Variants in ADGRV1 observed in about 807,000 individuals in gnomAD.
ADGRV1 encodes the protein G-protein coupled receptor 98.
ADGRV1 carries 359 observed loss-of-function variants against 596.2 expected under a neutral mutation model. The ratio of observed to expected loss-of-function variants is 0.60; its 90% CI spans 0.55 to 0.66. The LOEUF is 0.66. ADGRV1 is among the 30% of genes least tolerant of loss of function. The probability of loss-of-function intolerance (pLI) is 0.00; values close to 1 mark genes in which losing one functional copy is unlikely to be tolerated. For missense variants in ADGRV1, 7,274 were observed against 7,575.6 expected (o/e 0.96, Z 1.48); for synonymous variants, 2,681 against 2,679.2 (o/e 1.00, Z -0.02).
intron 9 of ADGRV1, chr5:90,630,398 A>G (rs1765353752): frequency 6.6e-6 from 1 of 152,242 alleles, no homozygotes; most frequent in Non-Finnish European, 1.5e-5. Flanking sequence ...TAAAGTCCCC[A>G]TGACGTATCC....
At chr5:90,692,567 C>T in intron 31 of ADGRV1, 38 bp from the exon 32 acceptor site, 1 of 1,486,150 alleles carries the variant, frequency 6.7e-7, no homozygotes, top group Non-Finnish European at 9.2e-7. Context: ...AATTTCAGAA[C>T]TGTGATGCTG....
intron 83 of ADGRV1, among the ~76,000 whole-genome samples, chr5:90,952,302 G>T (rs1396203059): frequency 2.0e-5 from 3 of 152,142 alleles, no homozygotes; most frequent in Admixed American, 1.3e-4. Context: ...CAAAACAACT[G>T]ATTGTCTATG....
At chr5:90,559,244 C>T (rs1342965192) in intron 1 of ADGRV1, among the ~76,000 whole-genome samples, 1 of 152,090 alleles carries the variant, frequency 6.6e-6, no homozygotes, top group South Asian at 2.1e-4. Context: ...CTTTTTCTGC[C>T]TGTTTGAAAC....
intron 84 of ADGRV1, among the ~76,000 whole-genome samples, chr5:90,982,747 G>A (rs899422653): frequency 1.6e-4 from 2 of 12,356 alleles, no homozygotes; most frequent in East Asian, 3.3e-3. Context: ...TGGCTCAGCC[G>A]GGCCAGGCTT....
intron 83 of ADGRV1, among the ~76,000 whole-genome samples, chr5:90,893,408 G>A (rs559629645): frequency 1.2e-4 from 18 of 152,150 alleles, no homozygotes; most frequent in South Asian, 2.1e-4. Flanking sequence ...TTTACTGGTC[G>A]CACACAACTA....
chr5:90,945,683 A>G (rs1370450971), intron 83 of ADGRV1, among the ~76,000 whole-genome samples: 2 of 152,218 alleles, frequency 1.3e-5, no homozygotes, highest in Admixed American at 6.5e-5. Flanking sequence ...TGAAGTTATC[A>G]TAAAGAAATA....
chr5:91,064,147 T>G (rs1787685224), intron 85 of ADGRV1, among the ~76,000 whole-genome samples: 1 of 152,134 alleles, frequency 6.6e-6, no homozygotes, highest in African/African-American at 2.4e-5. Flanking sequence ...AAGAACCAGT[T>G]AAATCAATAA....
intron 86 of ADGRV1, among the ~76,000 whole-genome samples, chr5:91,099,806 CA>C (rs1157636585): frequency 6.6e-6 from 1 of 152,080 alleles, no homozygotes; most frequent in Non-Finnish European, 1.5e-5. Context: ...GAATTAGAAG[CA>C]TTGAAATGAA....
chr5:91,126,831 A>G (rs1249349309), intron 87 of ADGRV1, among the ~76,000 whole-genome samples: 1 of 152,098 alleles, frequency 6.6e-6, no homozygotes, highest in Non-Finnish European at 1.5e-5. Context: ...TGGATTTAGG[A>G]AGGGCAGAAG....
intron 83 of ADGRV1, among the ~76,000 whole-genome samples, chr5:90,904,099 T>C (rs1772096914): frequency 6.6e-6 from 1 of 152,144 alleles, no homozygotes; most frequent in African/African-American, 2.4e-5. Context: ...GATCTCATTC[T>C]TTTTATAGCT....
At chr5:90,961,303 A>T (rs545480453) in intron 83 of ADGRV1, among the ~76,000 whole-genome samples, 42 of 152,020 alleles carry the variant, frequency 2.8e-4, no homozygotes, top group Non-Finnish European at 4.7e-4. Flanking sequence ...GAGCGAGACC[A>T]TCCTGGCTAA....
Position 90,789,710 on chromosome 5 carries a change from G to C in ADGRV1, c.13902G>C (p.Glu4634Asp). 1 of 1,548,356 alleles carries C rather than the reference G, an allele frequency of 6.5e-7. No homozygotes were observed. The highest frequency in any genetic ancestry group is 8.8e-7 in the Non-Finnish European group (1 of 1,140,968). The change falls in exon 69 of 90, where the codon GAG becomes GAC. Residue 4634 changes from glutamate (E) to aspartate (D), a missense_variant. By Grantham distance (45) the Glu-to-Asp change is conservative. Coordinates refer to ENST00000405460, the MANE Select transcript of ADGRV1 (RefSeq NM_032119.4). Reference sequence around the variant, plus strand: ...TTGTTTATATTTTTTAGATACAAGAGTTTGGTGACCCAAATGGAGTTGTTC... The same window carrying C: ...TTGTTTATATTTTTTAGATACAAGACTTTGGTGACCCAAATGGAGTTGTTC... The part of the protein sequence containing the change: ...RAKDVTLTIQ[E>D]FGDPNGVVQF...
chr5:91,108,106 C>T (rs1792050365), intron 87 of ADGRV1, among the ~76,000 whole-genome samples: 1 of 152,256 alleles, frequency 6.6e-6, no homozygotes, highest in South Asian at 2.1e-4. Flanking sequence ...ATTCCTGGTA[C>T]CAGATGCTTA....
intron 41 of ADGRV1, 64 bp from the exon 42 acceptor site, chr5:90,712,223 A>G: frequency 1.1e-6 from 1 of 909,756 alleles, no homozygotes; most frequent in Non-Finnish European, 1.6e-6. Flanking sequence ...TTCTTTCCAA[A>G]CATTCTATAG....
At chr5:91,070,285 A>C (rs1788273179) in intron 85 of ADGRV1, among the ~76,000 whole-genome samples, 1 of 152,164 alleles carries the variant, frequency 6.6e-6, no homozygotes, top group South Asian at 2.1e-4. Context: ...AAAAAAGTTA[A>C]CACACTATTT....
intron 75 of ADGRV1, among the ~76,000 whole-genome samples, chr5:90,823,113 C>G (rs1336950036): frequency 6.6e-6 from 1 of 152,134 alleles, no homozygotes; most frequent in Non-Finnish European, 1.5e-5. Context: ...TAATTGGATG[C>G]CCTTTATTTC....
intron 84 of ADGRV1, among the ~76,000 whole-genome samples, chr5:90,974,331 C>A (rs1252419832): frequency 6.6e-6 from 1 of 152,142 alleles, no homozygotes; most frequent in Non-Finnish European, 1.5e-5. Flanking sequence ...ACTTTCTTCA[C>A]AGAATTGGAA....
At chr5:90,597,795 A>G (rs1760885994) in intron 1 of ADGRV1, among the ~76,000 whole-genome samples, 1 of 152,226 alleles carries the variant, frequency 6.6e-6, no homozygotes, top group African/African-American at 2.4e-5. Flanking sequence ...AATCTTAAAC[A>G]TGAAAGAATG....
chr5:91,031,943 C>T (rs79752772), intron 85 of ADGRV1, among the ~76,000 whole-genome samples: 2,256 of 152,126 alleles, frequency 0.015, 49 homozygotes, highest in African/African-American at 0.05. Context: ...TAATTAATTA[C>T]GTGATATATT....
Sources: allele counts gnomAD v4.1 joint callset (sites outside exome capture counted in the v4.1 genomes callset), GRCh38; gene constraint gnomAD v4.1.1; transcripts MANE v1.5; gene names NCBI Gene and HGNC (gene_info 2026-07-23, HGNC 2026-07-21).